Variants in MTCL1 observed in about 807,000 individuals in gnomAD.
MTCL1 encodes the protein microtubule crosslinking factor 1.
In MTCL1, 79 loss-of-function variants were observed where a neutral mutation model predicts 141.4. That is an observed-to-expected ratio of 0.56 (90% confidence interval 0.47 to 0.67). MTCL1 has a LOEUF of 0.67. MTCL1 is among the 30% of genes least tolerant of loss of function. The pLI, the probability that MTCL1 is intolerant of heterozygous loss-of-function variation, is 0.00. For synonymous variants in MTCL1, 914 were observed against 875.8 expected (o/e 1.04, Z -0.77); for missense variants, 2,177 against 2,113.9 (o/e 1.03, Z -0.59).
intron 4 of MTCL1, among the ~76,000 whole-genome samples, chr18:8,739,832 A>G (rs2096292714): frequency 6.6e-6 from 1 of 152,184 alleles, no homozygotes; most frequent in African/African-American, 2.4e-5. Context: ...CCCAGGTTCA[A>G]GCAATCCTCC....
At chr18:8,726,887 C>A (rs549171869) in intron 4 of MTCL1, among the ~76,000 whole-genome samples, 1 of 152,260 alleles carries the variant, frequency 6.6e-6, no homozygotes, top group Admixed American at 6.5e-5. Flanking sequence ...TTCTAGTGCA[C>A]CCACCACCCG....
intron 10 of MTCL1, among the ~76,000 whole-genome samples, chr18:8,799,133 C>CTATGTG (rs2076028875): frequency 6.6e-6 from 1 of 152,202 alleles, no homozygotes; most frequent in Non-Finnish European, 1.5e-5. Context: ...ATGGGCGCGG[C>CTATGTG]TCTAGCCTCT....
At chr18:8,762,478 ACCCCCACTAAGGAGG>A (rs2096437383) in intron 4 of MTCL1, among the ~76,000 whole-genome samples, 1 of 152,230 alleles carries the variant, frequency 6.6e-6, no homozygotes, top group African/African-American at 2.4e-5. Context: ...CTTGGGGGAC[ACCCCCACTAAGGAGG>A]CTCTCAAATG....
At chr18:8,751,670 A>G (rs1462445058) in intron 4 of MTCL1, among the ~76,000 whole-genome samples, 1 of 152,196 alleles carries the variant, frequency 6.6e-6, no homozygotes, top group Non-Finnish European at 1.5e-5. Context: ...CCAGTGCAGG[A>G]CGGGGTAGGT....
chr18:8,783,441 T>C (rs1163315155), intron 5 of MTCL1, 89 bp from the exon 5 acceptor site: 14 of 1,201,498 alleles, frequency 1.2e-5, no homozygotes, highest in Non-Finnish European at 1.6e-5. Flanking sequence ...TTTGTGTGCA[T>C]TGGGGGCGAG....
intron 9 of MTCL1, among the ~76,000 whole-genome samples, chr18:8,797,489 C>A (rs569735): frequency 0.55 from 83,381 of 152,114 alleles, 23,372 homozygotes; most frequent in Middle Eastern, 0.61. Context: ...CCGGGGCTGG[C>A]GCCACTGGCG....
chr18:8,823,374 G>A (rs1463413654), intron 14 of MTCL1, among the ~76,000 whole-genome samples: 1 of 152,230 alleles, frequency 6.6e-6, no homozygotes, highest in Non-Finnish European at 1.5e-5. Flanking sequence ...GCAAAAGTGG[G>A]AGTTAGATGA....
intron 12 of MTCL1, among the ~76,000 whole-genome samples, chr18:8,818,139 G>A (rs1026122512): frequency 2.6e-5 from 4 of 152,198 alleles, no homozygotes; most frequent in Non-Finnish European, 5.9e-5. Context: ...GCATGACTCC[G>A]GTGAGCCCAC....
chr18:8,710,376 T>C (rs1372383314), intron 1 of MTCL1, among the ~76,000 whole-genome samples: 1 of 151,862 alleles, frequency 6.6e-6, no homozygotes, highest in Non-Finnish European at 1.5e-5. Context: ...TAAACTCAAA[T>C]ACATTTGGAA....
intron 4 of MTCL1, among the ~76,000 whole-genome samples, chr18:8,749,398 C>T (rs1399782934): frequency 7.9e-5 from 12 of 152,316 alleles, no homozygotes; most frequent in Admixed American, 5.9e-4. Context: ...TGGCTGCGGA[C>T]GGACCACATG....
chr18:8,764,647 G>A (rs1031500005), intron 4 of MTCL1, among the ~76,000 whole-genome samples: 1 of 152,044 alleles, frequency 6.6e-6, no homozygotes, highest in Admixed American at 6.6e-5. Flanking sequence ...TTTAAATAAG[G>A]AAATTGAGAC....
chr18:8,786,129 C>A (rs781218661), intron 7 of MTCL1, 38 bp downstream of exon 6: 3 of 1,518,538 alleles, frequency 2.0e-6, no homozygotes, highest in African/African-American at 1.4e-5. Flanking sequence ...CCCGCCCTCC[C>A]CCTCCTTTTT....
intron 1 of MTCL1, among the ~76,000 whole-genome samples, chr18:8,709,200 GT>G (rs34472352): frequency 6.6e-6 from 1 of 150,522 alleles, no homozygotes; most frequent in African/African-American, 2.4e-5. Flanking sequence ...GTTTTTTGTG[GT>G]TTTTTTTTGA....
chr18:8,785,094 C>T lies in MTCL1; in HGVS notation c.1731+251C>T, dbSNP rs1451507473. 2.6e-5 allele frequency among the ~76,000 whole-genome samples: 4 copies of T among 151,620 alleles called. No homozygotes were observed. In the South Asian group the frequency reaches 6.2e-4, roughly 24 times the overall value. On this transcript the variant is annotated intron_variant, in intron 6 of 16. Coordinates refer to ENST00000359865, the Ensembl canonical transcript of MTCL1. ...TTCTCCTGTCTTATTTTTAACTGCG[C>T]CGCGGCTCATGGTTTAGAGGCCCTC...
At chr18:8,730,995 A>G (rs2096247284) in intron 4 of MTCL1, among the ~76,000 whole-genome samples, 1 of 152,204 alleles carries the variant, frequency 6.6e-6, no homozygotes, top group Non-Finnish European at 1.5e-5. Flanking sequence ...CTGTTTTCCC[A>G]GCACTTTGGG....
chr18:8,830,025 TCAC>T lies in MTCL1; in HGVS notation c.*18+1064_*18+1066del, dbSNP rs2077147244. 6.1e-6 allele frequency: 6 copies of T among 985,336 alleles called. No homozygotes were observed. Among genetic ancestry groups the T allele is most frequent in the Non-Finnish European group, 6.0e-6 (5 of 830,018 alleles). 61.0% of individuals were successfully genotyped at this position (985,336 alleles called of 1,614,324 possible). A position where few individuals can be genotyped will look rare whatever the true frequency, so the allele number is the denominator to read the frequency against. ...GTCAGATAAACCTATGACAGCAGCT[TCAC>T]CAACACACAACACACACAGAACAGA... On this transcript the variant is annotated intron_variant, in intron 16 of 16. Transcript: ENST00000359865. The surrounding 1 kb of genome is among the most constrained non-coding windows in gnomAD (Gnocchi z 6.4).
chr18:8,733,145 G>C (rs1292552547), intron 4 of MTCL1, among the ~76,000 whole-genome samples: 2 of 152,222 alleles, frequency 1.3e-5, no homozygotes, highest in African/African-American at 4.8e-5. Context: ...AGGACGCAGT[G>C]CCTGGGAGCC....
At chr18:8,746,874 G>C (rs1477723482) in intron 4 of MTCL1, among the ~76,000 whole-genome samples, 1 of 152,184 alleles carries the variant, frequency 6.6e-6, no homozygotes, top group African/African-American at 2.4e-5. Context: ...AATGCAAAAA[G>C]GGTGGTAGGA....
intron 4 of MTCL1, among the ~76,000 whole-genome samples, chr18:8,753,577 T>C (rs932100653): frequency 7.9e-5 from 12 of 152,208 alleles, no homozygotes; most frequent in Non-Finnish European, 1.6e-4. Flanking sequence ...GACTCCCTGG[T>C]CCTTTTTACC....
Sources: allele counts gnomAD v4.1 joint callset (sites outside exome capture counted in the v4.1 genomes callset), GRCh38; gene constraint gnomAD v4.1.1; non-coding constraint Gnocchi (gnomAD v3.1); transcripts MANE v1.5; gene names NCBI Gene and HGNC (gene_info 2026-07-23, HGNC 2026-07-21).